The following HEPH variants were observed in gnomAD, a reference collection of about 807,000 sequenced individuals.
HEPH encodes hephaestin.
A neutral mutation model predicts 80.8 loss-of-function variants in HEPH; 69 were observed. The ratio of observed to expected loss-of-function variants is 0.85; its 90% CI spans 0.70 to 1.04. HEPH has a LOEUF of 1.04. HEPH is among the 50% of genes least tolerant of loss of function. The pLI is 0.00. For synonymous variants in HEPH, 431 were observed against 322.8 expected (o/e 1.34, Z -3.60); for missense variants, 1,115 against 891.3 (o/e 1.25, Z -3.20).
intron 13 of HEPH, 110 bp downstream of exon 13, chrX:66,203,687 C>T: frequency 3.1e-6 from 2 of 638,525 alleles, no homozygotes; most frequent in South Asian, 5.9e-5. Flanking sequence ...TAATGTGATA[C>T]CAACAGATTT....
intron 15 of HEPH, among the ~76,000 whole-genome samples, chrX:66,239,910 T>C (rs1458237294): frequency 2.7e-5 from 3 of 111,676 alleles, no homozygotes; most frequent in African/African-American, 9.8e-5. Flanking sequence ...TCACCCTTGG[T>C]AAACACTGCC....
chrX:66,249,326 A>G (rs1162378945), intron 15 of HEPH, among the ~76,000 whole-genome samples: 1 of 112,091 alleles, frequency 8.9e-6, no homozygotes, highest in Non-Finnish European at 1.9e-5. Flanking sequence ...TATACAATGG[A>G]ATTAATAGTA....
At chrX:66,196,185 G>A (rs1337661229) in intron 9 of HEPH, among the ~76,000 whole-genome samples, 2 of 111,163 alleles carry the variant, frequency 1.8e-5, no homozygotes, top group African/African-American at 6.5e-5. Context: ...GTGGAATAAT[G>A]GCATTATAGC....
rs777867504 is a variant in HEPH at position 66,204,986 on chromosome X, A to G, written c.2291+1409A>G. 2.7e-5 allele frequency among the ~76,000 whole-genome samples: 3 copies of G among 111,987 alleles called. No individual in the cohort carries two copies. In the East Asian group the frequency reaches 8.4e-4, roughly 31 times the overall value. On this transcript the variant is annotated intron_variant, in intron 13 of 20. Coordinates refer to ENST00000343002, the MANE Select transcript of HEPH (RefSeq NM_001367233.3). ...GTTTCTTACATGGGTATATTGTGCA[A>G]TGCTACATTTTAGAATATAAATGAT...
Position 66,189,803 on chromosome X carries a change from G to C in HEPH, c.928G>C (p.Gly310Arg). ...EIDVHTAFFH[G>R]QMLTTRGHHT... ...TGATGTCCACACAGCATTTTTCCAT[G>C]GACAGATGCTGACTACCCGTGGACA... Residue 310 changes from glycine to arginine, a missense_variant, in exon 6 of 21, where the codon GGA becomes CGA. By Grantham distance (125) the Gly-to-Arg change is moderately radical. Around this residue, in one of 3 missense-constraint regions of HEPH, gnomAD observed 391 missense variants for 343.6 expected, o/e 1.14. Coordinates refer to ENST00000343002, the MANE Select transcript of HEPH (RefSeq NM_001367233.3). 1 of 1,211,255 alleles carries C rather than the reference G, an allele frequency of 8.3e-7. No individual in the cohort carries two copies. Among genetic ancestry groups the C allele is most frequent in the Non-Finnish European group, 1.1e-6 (1 of 895,437 alleles).
intron 17 of HEPH, among the ~76,000 whole-genome samples, chrX:66,257,594 T>C (rs1167559643): frequency 2.7e-5 from 3 of 112,236 alleles, no homozygotes; most frequent in African/African-American, 9.7e-5. Context: ...CACCTTGTCA[T>C]TGACATAGAT....
At chrX:66,190,965 G>A (rs930080343) in intron 6 of HEPH, among the ~76,000 whole-genome samples, 5 of 111,763 alleles carry the variant, frequency 4.5e-5, no homozygotes, top group Non-Finnish European at 7.5e-5. Context: ...CACTTGTTTA[G>A]CCACCTTTGA....
chrX:66,259,005 C>T, intron 18 of HEPH, 26 bp downstream of exon 18: 1 of 1,183,858 alleles, frequency 8.4e-7, no homozygotes, highest in South Asian at 2.0e-5. Flanking sequence ...GGCTGAGTCC[C>T]TCAAGGATGA....
At chrX:66,190,839 C>T (rs1446360522) in intron 6 of HEPH, among the ~76,000 whole-genome samples, 1 of 111,244 alleles carries the variant, frequency 9.0e-6, no homozygotes, top group African/African-American at 3.3e-5. Context: ...GTCTTAGCCC[C>T]AAAGCTTCCT....
In HEPH at chrX:66,266,491, A is replaced by G. The variant is rs766424993; in HGVS notation, c.3296A>G (p.Gln1099Arg). Residue 1099 changes from glutamine to arginine, a missense_variant, in exon 21 of 21, where the codon CAG (glutamine) becomes CGG (arginine). Gln to Arg is a conservative substitution (Grantham distance 43, BLOSUM62 1). Around this residue, in one of 3 missense-constraint regions of HEPH, gnomAD observed 716 missense variants for 523.5 expected, o/e 1.37. Transcript: ENST00000343002. ...EEGNVKMLGM[Q>R]IPIKNVEMLA... ...GGCAATGTGAAGATGCTGGGCATGC[A>G]GATCCCCATAAAGAATGTTGAGATG... 1.7e-6 allele frequency: 2 copies of G among 1,209,562 alleles called. No homozygotes were observed. The highest frequency in any genetic ancestry group is 2.2e-6 in the Non-Finnish European group (2 of 894,501).
intron 4 of HEPH, among the ~76,000 whole-genome samples, chrX:66,187,345 C>T (rs866780994): frequency 2.7e-5 from 3 of 110,715 alleles, no homozygotes; most frequent in African/African-American, 9.9e-5. Context: ...TGTCATATTA[C>T]CTGAGTTGGG....
chrX:66,213,013 ATTAAT>A (rs982162338), intron 15 of HEPH, among the ~76,000 whole-genome samples: 4 of 108,290 alleles, frequency 3.7e-5, no homozygotes, highest in Non-Finnish European at 5.8e-5. Flanking sequence ...TTTTTTTTAA[ATTAAT>A]TTATTTATTT....
intron 15 of HEPH, among the ~76,000 whole-genome samples, chrX:66,235,523 G>A (rs1351429930): frequency 9.0e-6 from 1 of 111,186 alleles, no homozygotes; most frequent in Non-Finnish European, 1.9e-5. Flanking sequence ...TAGGTATGTG[G>A]CCTTCTTTTT....
chrX:66,164,475 G>A lies in HEPH; in HGVS notation c.-14+5G>A, dbSNP rs1385269111. 3 of 753,697 alleles carry A rather than the reference G, an allele frequency of 4.0e-6. No homozygotes were observed. Among genetic ancestry groups the A allele is most frequent in the Non-Finnish European group, 4.7e-6 (3 of 638,817 alleles). 62.1% of individuals were successfully genotyped at this position (753,697 alleles called of 1,213,427 possible). A position where few individuals can be genotyped will look rare whatever the true frequency, so the allele number is the denominator to read the frequency against. On this transcript the variant is annotated splice_donor_5th_base_variant and intron_variant, in intron 1 of 20. Coordinates refer to ENST00000343002, the MANE Select transcript of HEPH (RefSeq NM_001367233.3). Reference sequence around the variant, plus strand: ...GAGTAGTTTTCTCTAGCAAAGGTAAGCTTTCTTTTCTCTCTTTTCAAACTC... The same window carrying A: ...GAGTAGTTTTCTCTAGCAAAGGTAAACTTTCTTTTCTCTCTTTTCAAACTC...
chrX:66,223,066 T>A (rs1387333901), intron 15 of HEPH, among the ~76,000 whole-genome samples: 3 of 110,552 alleles, frequency 2.7e-5, no homozygotes, highest in African/African-American at 9.9e-5. Context: ...GTCTCGGAGG[T>A]TAGCAGCACA....
In HEPH at chrX:66,263,714, G is replaced by T. The variant is rs201354123; in HGVS notation, c.3244+26G>T. 844 of 1,188,014 alleles carry T rather than the reference G, an allele frequency of 7.1e-4. 15 individuals carry two copies. In the East Asian group the frequency reaches 0.024, roughly 34 times the overall value. On this transcript the variant is annotated intron_variant, in intron 20 of 20. Coordinates refer to ENST00000343002, the MANE Select transcript of HEPH (RefSeq NM_001367233.3). ...GTACGTAAAATGATGCACAGACTGG[G>T]TACTTATACATAGTGTGTCTGTGTA...
At chrX:66,246,469 G>A (rs1280668324) in intron 15 of HEPH, among the ~76,000 whole-genome samples, 3 of 111,223 alleles carry the variant, frequency 2.7e-5, no homozygotes, top group Non-Finnish European at 3.8e-5. Context: ...CTTTATTGGG[G>A]CTGTGGTGTC....
chrX:66,163,692 C>T (rs1019070745), upstream of HEPH, among the ~76,000 whole-genome samples: 7 of 111,264 alleles, frequency 6.3e-5, no homozygotes, highest in East Asian at 2.8e-4. Context: ...TAGACAGACC[C>T]AGCAAATCTC....
intron 15 of HEPH, among the ~76,000 whole-genome samples, chrX:66,221,553 C>G (rs2089648123): frequency 1.8e-5 from 2 of 112,540 alleles, no homozygotes; most frequent in Non-Finnish European, 3.8e-5. Flanking sequence ...ACATGGGGGC[C>G]AGACTTTGGA....
Sources: allele counts gnomAD v4.1 joint callset (sites outside exome capture counted in the v4.1 genomes callset), GRCh38; gene constraint gnomAD v4.1.1; regional missense constraint gnomAD v4.1.1; transcripts MANE v1.5; gene names NCBI Gene and HGNC (gene_info 2026-07-23, HGNC 2026-07-21).